POLR3B: variants seen among roughly 807,000 people sequenced by gnomAD.
The protein encoded by POLR3B is DNA-directed RNA polymerase III subunit RPC2.
Under a neutral mutation model 147.4 loss-of-function variants are expected in POLR3B, and 96 were observed. That is an observed-to-expected ratio of 0.65 (90% CI 0.55 to 0.77). POLR3B has a LOEUF of 0.77. POLR3B is among the 30% of genes least tolerant of loss of function. The pLI is 0.00. For synonymous variants in POLR3B, 461 were observed against 485.9 expected, an observed-to-expected ratio of 0.95 and a Z score of 0.67; for missense variants, 1,036 against 1,413.5, an observed-to-expected ratio of 0.73 and a Z score of 4.28.
At chr12:106,358,798 C>T (rs1028240415) in intron 1 of POLR3B, among the ~76,000 whole-genome samples, 3 of 152,168 alleles carry the variant, frequency 2.0e-5, no homozygotes, top group Non-Finnish European at 4.4e-5. Context: ...AGATAAAAGA[C>T]AGGGTTAAGT....
rs188505721 is a variant in POLR3B at position 106,498,213 on chromosome 12, G to A, written c.2984+1295G>A. Among the ~76,000 whole-genome samples the A allele has an allele frequency of 2.6e-5, 4 of 152,322 alleles. No homozygotes were observed. The East Asian group carries it at 7.7e-4, about 29-fold the overall frequency. ...GAAGAGTGTTTAAGGGAGAGGAAAA[G>A]TTATGTTTGACACTTTGCCAGGGAA... On this transcript the variant is annotated intron_variant, in intron 25 of 27. Transcript: ENST00000228347.
rs540450038 is a variant in POLR3B, at chr12:106,371,457, A to G, written c.404+1774A>G. Among the ~76,000 whole-genome samples, 750 of 152,146 alleles carry G rather than the reference A, an allele frequency of 4.9e-3. 5 individuals carry two copies. The highest frequency in any genetic ancestry group is 0.017 in the African/African-American group (721 of 41,530). ...TTACTGGGTATATACCCAAAGGACT[A>G]TAAATCATGCTGCTATAAAGACACA... On this transcript the variant is annotated intron_variant, in intron 6 of 27. Coordinates refer to ENST00000228347, the MANE Select transcript of POLR3B (RefSeq NM_018082.6).
At position 106,412,218 on chromosome 12, in the gene POLR3B, T is replaced by G. The variant is rs539354657; in HGVS notation, c.1101+1258T>G. 1.9e-4 allele frequency among the ~76,000 whole-genome samples: 28 copies of G among 147,840 alleles called. No individual in the cohort carries two copies. The East Asian group carries it at 3.9e-3, about 21-fold the overall frequency. ...CTCTAAAGAGTGTCCCAGTTTTTTG[T>G]TTTTTTTTTAAGACCCTCTGAACTT... On this transcript the variant is annotated intron_variant, in intron 12 of 27. Transcript: ENST00000228347.
Position 106,437,697 on chromosome 12 carries a change from T to G in POLR3B, c.1873T>G (p.Leu625Val). ...TTTTCCCAGGAATTTTGAAGATTTC[T>G]TACATGAGAGTCTGGTTGAATATTT... Reference protein sequence around the residue: ...AQGYRNFEDFLHESLVEYLDV... With the variant: ...AQGYRNFEDFVHESLVEYLDV... The change falls in exon 18 of 28, where the codon TTA becomes GTA. Residue 625 changes from leucine (L) to valine (V), a missense_variant. Coordinates refer to ENST00000228347, the MANE Select transcript of POLR3B (RefSeq NM_018082.6). The G allele has an allele frequency of 6.3e-7, 1 of 1,595,298 alleles. No homozygotes were observed. Among genetic ancestry groups the G allele is most frequent in the Non-Finnish European group, 8.6e-7 (1 of 1,163,114 alleles).
At chr12:106,493,411 A>G (rs943864152) in intron 23 of POLR3B, among the ~76,000 whole-genome samples, 1 of 152,370 alleles carries the variant, frequency 6.6e-6, no homozygotes, top group East Asian at 1.9e-4. Context: ...TTAGAAAAAG[A>G]TAAGTCTGGT....
chr12:106,363,592 G>A (rs1431167373), intron 1 of POLR3B, among the ~76,000 whole-genome samples: 1 of 152,196 alleles, frequency 6.6e-6, no homozygotes, highest in Admixed American at 6.5e-5. Flanking sequence ...CACTTAGGAA[G>A]TGTCATGAGA....
intron 23 of POLR3B, among the ~76,000 whole-genome samples, chr12:106,470,167 C>T (rs2038070542): frequency 6.6e-6 from 1 of 152,110 alleles, no homozygotes; most frequent in African/African-American, 2.4e-5. Context: ...TCTTTTTTCT[C>T]TAATCTTGTC....
rs753038075 is a variant in POLR3B at position 106,363,850 on chromosome 12, C to A, written c.73-20C>A. 2.5e-6 allele frequency: 4 copies of A among 1,587,986 alleles called. No homozygotes were observed. Among genetic ancestry groups the A allele is most frequent in the South Asian group, 2.2e-5 (2 of 90,328 alleles). The stretch of plus-strand genomic sequence containing the variant: ...GTTGCTGGTACAGAGTTCTGATATT[C>A]TTCTTGTTTTGGCTCACAGGAAAAA... On this transcript the variant is annotated intron_variant, in intron 1 of 27. Coordinates refer to ENST00000228347, the MANE Select transcript of POLR3B (RefSeq NM_018082.6).
chr12:106,376,442 T>C lies in POLR3B; in HGVS notation c.488T>C (p.Leu163Ser), dbSNP rs1196608899. The C allele has an allele frequency of 1.9e-6, 3 of 1,607,860 alleles. No individual in the cohort carries two copies. Among genetic ancestry groups the C allele is most frequent in the Non-Finnish European group, 2.6e-6 (3 of 1,174,808 alleles). Residue 163 changes from leucine to serine, a missense_variant, in exon 7 of 28, where the codon TTA (leucine) becomes TCA (serine). Coordinates refer to ENST00000228347, the MANE Select transcript of POLR3B (RefSeq NM_018082.6). ...TTTGCCAAACTGAACGAATGTCCCT[T>C]AGATCCAGGTATGTGTGAAGTCTTG... Reference protein sequence around the residue: ...AEFAKLNECPLDPGGYFIVKG... With the variant: ...AEFAKLNECPSDPGGYFIVKG...
chr12:106,462,253 A>AT (rs1326778468), intron 22 of POLR3B, among the ~76,000 whole-genome samples: 16 of 151,540 alleles, frequency 1.1e-4, no homozygotes, highest in South Asian at 4.2e-4. Flanking sequence ...TGCTAGGGTG[A>AT]TTTTTTCTTT....
intron 23 of POLR3B, among the ~76,000 whole-genome samples, chr12:106,485,101 A>C (rs1412186472): frequency 1.3e-5 from 2 of 152,212 alleles, no homozygotes; most frequent in Middle Eastern, 3.2e-3. Context: ...TAATTTATAA[A>C]GAAAAGAAGT....
chr12:106,426,268 T>TGTGTGTGTGTGTG (rs2037434135), intron 12 of POLR3B, among the ~76,000 whole-genome samples: 2 of 85,126 alleles, frequency 2.3e-5, no homozygotes, highest in African/African-American at 9.9e-5. Context: ...GTGTGTGTGT[T>TGTGTGTGTGTGTG]TAAGACAGAG....
intron 4 of POLR3B, among the ~76,000 whole-genome samples, chr12:106,367,992 T>G (rs2036555613): frequency 6.6e-6 from 1 of 152,098 alleles, no homozygotes; most frequent in Non-Finnish European, 1.5e-5. Context: ...CCCTCACATA[T>G]CTCTCTATAT....
rs113830269 is a variant in POLR3B at position 106,465,636 on chromosome 12, C to T, written c.2713+2016C>T. ...CTAGCCTCCCACCCCAGGCAGGCCT[C>T]GGTGTGTGATGTTCCCCTCCCTGTG... is the stretch of plus-strand genomic sequence containing the variant. On this transcript the variant is annotated intron_variant, in intron 23 of 27. Transcript: ENST00000228347. Among the ~76,000 whole-genome samples, 824 of 152,252 alleles carry T rather than the reference C, an allele frequency of 5.4e-3. 9 individuals are homozygous for T. The highest frequency in any genetic ancestry group is 0.019 in the African/African-American group (774 of 41,560).
chr12:106,438,524 T>A (rs2037609353), intron 18 of POLR3B, among the ~76,000 whole-genome samples: 1 of 151,572 alleles, frequency 6.6e-6, no homozygotes, highest in Non-Finnish European at 1.5e-5. Context: ...TGAGACAAGG[T>A]CTTGCTCTGT....
chr12:106,358,342 C>T (rs2036419371), intron 1 of POLR3B: 1 of 787,386 alleles, frequency 1.3e-6, no homozygotes, highest in Non-Finnish European at 1.7e-6. Flanking sequence ...CCACAGCCGG[C>T]TGTGGGGGTA....
intron 12 of POLR3B, among the ~76,000 whole-genome samples, chr12:106,411,700 C>T (rs2037230081): frequency 6.6e-6 from 1 of 152,022 alleles, no homozygotes; most frequent in African/African-American, 2.4e-5. Flanking sequence ...GGAAACAATC[C>T]GCTGATTGTT....
At chr12:106,358,129 C>A (rs899589140) in intron 1 of POLR3B, 178 bp downstream of exon 1, 2 of 1,478,458 alleles carry the variant, frequency 1.4e-6, no homozygotes, top group Admixed American at 2.2e-5. Context: ...CCTCCGCGTG[C>A]GCGAGTGAAG....
intron 19 of POLR3B, among the ~76,000 whole-genome samples, chr12:106,447,136 G>A (rs963812720): frequency 6.6e-6 from 1 of 152,082 alleles, no homozygotes; most frequent in African/African-American, 2.4e-5. Context: ...TATTTTAGTT[G>A]GTATTCATCT....
Sources: allele counts gnomAD v4.1 joint callset (sites outside exome capture counted in the v4.1 genomes callset), GRCh38; gene constraint gnomAD v4.1.1; transcripts MANE v1.5; gene names NCBI Gene and HGNC (gene_info 2026-07-23, HGNC 2026-07-21).